The following FLI1 variants were observed in gnomAD, a reference collection of about 807,000 sequenced individuals.
FLI1 encodes the protein Friend leukemia integration 1 transcription factor.
FLI1 carries 13 observed loss-of-function variants against 53.1 expected under a neutral mutation model. That is an observed-to-expected ratio of 0.24 (90% confidence interval 0.16 to 0.39). The LOEUF is 0.39. FLI1 is among the 10% of genes least tolerant of loss of function. FLI1 has a pLI of 1.00. For synonymous variants in FLI1, 244 were observed against 236.7 expected, an observed-to-expected ratio of 1.03 and a Z score of -0.28; for missense variants, 424 against 600.5, an observed-to-expected ratio of 0.71 and a Z score of 3.07.
upstream of FLI1, chr11:128,686,334 G>T (rs923921869): frequency 3.5e-5 from 16 of 456,180 alleles, no homozygotes; most frequent in African/African-American, 3.0e-4. Context: ...AGGCCCTGGG[G>T]GAGGCGGCAG....
intron 2 of FLI1, among the ~76,000 whole-genome samples, chr11:128,761,942 C>T (rs555059238): frequency 2.6e-5 from 4 of 152,162 alleles, no homozygotes; most frequent in Non-Finnish European, 4.4e-5. Context: ...TTCTCACCCA[C>T]CCTGGGCAAG....
intron 1 of FLI1, among the ~76,000 whole-genome samples, chr11:128,724,838 CATT>C (rs1213314240): frequency 6.6e-6 from 1 of 152,192 alleles, no homozygotes; most frequent in Non-Finnish European, 1.5e-5. Context: ...GAGGCCCAGT[CATT>C]CCTCATTTCC....
chr11:128,758,018 G>T, intron 1 of FLI1, 97 bp from the exon 2 acceptor site: 1 of 1,060,318 alleles, frequency 9.4e-7, no homozygotes, highest in African/African-American at 1.6e-5. Flanking sequence ...AGCTGTCCTG[G>T]GGCAGCCCTG....
At chr11:128,716,695 T>C (rs1939031262) in intron 1 of FLI1, among the ~76,000 whole-genome samples, 1 of 152,114 alleles carries the variant, frequency 6.6e-6, no homozygotes, top group South Asian at 2.1e-4. Flanking sequence ...CCTCTCCCAG[T>C]CCAGGAGGGC....
chr11:128,721,457 C>T (rs548985226), intron 1 of FLI1, among the ~76,000 whole-genome samples: 3 of 152,292 alleles, frequency 2.0e-5, no homozygotes, highest in East Asian at 3.9e-4. Flanking sequence ...ATAAAAGGCC[C>T]TAATACATTT....
intron 1 of FLI1, among the ~76,000 whole-genome samples, chr11:128,744,518 G>T (rs1940290628): frequency 6.6e-6 from 1 of 152,200 alleles, no homozygotes; most frequent in African/African-American, 2.4e-5. Flanking sequence ...GGAAACTGAG[G>T]CATGGAGAGA....
chr11:128,773,039 C>G (rs1182925785), intron 4 of FLI1, 54 bp downstream of exon 4: 5 of 1,528,034 alleles, frequency 3.3e-6, no homozygotes, highest in Non-Finnish European at 4.5e-6. Flanking sequence ...TGGAGCCAAC[C>G]CAGGGAGAGG....
At chr11:128,770,886 C>A (rs1225151234) in intron 3 of FLI1, among the ~76,000 whole-genome samples, 1 of 152,186 alleles carries the variant, frequency 6.6e-6, no homozygotes, top group Non-Finnish European at 1.5e-5. Flanking sequence ...GAGAGGAAGA[C>A]ATACTTGTAC....
chr11:128,767,862 G>A (rs1941401315), intron 2 of FLI1, among the ~76,000 whole-genome samples: 1 of 152,210 alleles, frequency 6.6e-6, no homozygotes, highest in African/African-American at 2.4e-5. Flanking sequence ...AAGAAGCTCA[G>A]ACCTTGGTCT....
intron 5 of FLI1, among the ~76,000 whole-genome samples, chr11:128,800,342 A>G (rs1183150192): frequency 6.6e-6 from 1 of 152,190 alleles, no homozygotes; most frequent in East Asian, 1.9e-4. Context: ...AGTCATTGAG[A>G]GCAAGGTTTT....
intron 1 of FLI1, among the ~76,000 whole-genome samples, chr11:128,728,323 A>G (rs1435944843): frequency 1.3e-5 from 2 of 152,236 alleles, no homozygotes; most frequent in Non-Finnish European, 2.9e-5. Context: ...GCTGTCACAG[A>G]ACCATGGGAC....
In FLI1 at chr11:128,706,752, T is replaced by C. The variant is rs571307305; in HGVS notation, c.18+12476T>C. On this transcript the variant is annotated intron_variant, in intron 1 of 8. Transcript: ENST00000527786. ...CCATTGTCATAATATTTCTGGGTGATTGAAGAGGGCACTTTCCATAGGAAC... is the reference window on the plus strand; with the variant it reads ...CCATTGTCATAATATTTCTGGGTGACTGAAGAGGGCACTTTCCATAGGAAC... Among the ~76,000 whole-genome samples, 6 of 152,338 alleles carry C rather than the reference T, an allele frequency of 3.9e-5. No individual in the cohort carries two copies. In the South Asian group the frequency reaches 1.2e-3, roughly 32 times the overall value.
At chr11:128,733,816 G>A (rs1939796789) in intron 1 of FLI1, among the ~76,000 whole-genome samples, 1 of 152,188 alleles carries the variant, frequency 6.6e-6, no homozygotes, top group African/African-American at 2.4e-5. Context: ...ATGGAGCAAA[G>A]GTACCCAGAG....
At chr11:128,717,451 G>T (rs1329480443) in intron 1 of FLI1, among the ~76,000 whole-genome samples, 1 of 152,204 alleles carries the variant, frequency 6.6e-6, no homozygotes, top group African/African-American at 2.4e-5. Flanking sequence ...GATTCTGGAG[G>T]TCCTTCTGGA....
intron 5 of FLI1, among the ~76,000 whole-genome samples, chr11:128,796,571 T>C (rs920167421): frequency 3.3e-5 from 5 of 152,236 alleles, no homozygotes; most frequent in Admixed American, 2.6e-4. Context: ...ACATTCCACC[T>C]ACCAAGACTT....
At chr11:128,703,842 C>CAAAAAAAA (rs35230795) in intron 1 of FLI1, among the ~76,000 whole-genome samples, 3 of 45,952 alleles carry the variant, frequency 6.5e-5, no homozygotes, top group Admixed American at 5.7e-4. Context: ...GACTCCGTCT[C>CAAAAAAAA]AAAAAAAAAA....
At chr11:128,805,518 G>A (rs1307051921) in intron 6 of FLI1, 87 bp downstream of exon 6, 13 of 816,376 alleles carry the variant, frequency 1.6e-5, no homozygotes, top group Non-Finnish European at 2.3e-5. Flanking sequence ...CAGGAGAGCA[G>A]CAAGCATTTG....
chr11:128,778,069 G>C (rs1941795994), intron 4 of FLI1, among the ~76,000 whole-genome samples: 1 of 152,186 alleles, frequency 6.6e-6, no homozygotes, highest in South Asian at 2.1e-4. Flanking sequence ...TCTATTCTCA[G>C]CAGGAGCTAC....
intron 1 of FLI1, among the ~76,000 whole-genome samples, chr11:128,757,364 A>G (rs1307435647): frequency 6.6e-6 from 1 of 152,020 alleles, no homozygotes; most frequent in African/African-American, 2.4e-5. Context: ...CTGGCACTTC[A>G]CGTGTCTGAG....
Sources: gnomAD v4.1 joint callset for allele counts (sites outside exome capture counted in the v4.1 genomes callset) on GRCh38, gnomAD v4.1.1 for gene constraint, MANE v1.5 for transcripts, NCBI Gene and HGNC (gene_info 2026-07-23, HGNC 2026-07-21) for gene names.